The following STON2 variants were observed in gnomAD, a reference collection of about 807,000 sequenced individuals.
The protein encoded by STON2 is stonin 2, also known as stonin-2.
A neutral mutation model predicts 65.7 loss-of-function variants in STON2; 29 were observed. The observed-to-expected ratio is 0.44, with a 90% confidence interval of 0.33 to 0.60. STON2 has a LOEUF of 0.60. Among genes scored for constraint, STON2 ranks in the 20% least tolerant of loss-of-function variants. The pLI is 0.03. For missense variants in STON2, 1,054 were observed against 1,118.1 expected, an observed-to-expected ratio of 0.94 and a Z score of 0.82; for synonymous variants, 404 against 414.2, an observed-to-expected ratio of 0.98 and a Z score of 0.30.
At chr14:81,288,651 C>A (rs1377474471) in intron 5 of STON2, among the ~76,000 whole-genome samples, 2 of 152,150 alleles carry the variant, frequency 1.3e-5, no homozygotes, top group Non-Finnish European at 2.9e-5. Flanking sequence ...AAGGAGTTTG[C>A]AGGAGCTCAG....
At chr14:81,435,719 G>A (rs1312371552) in intron 1 of STON2, among the ~76,000 whole-genome samples, 1 of 152,042 alleles carries the variant, frequency 6.6e-6, no homozygotes, top group Non-Finnish European at 1.5e-5. Flanking sequence ...GCGCACACAC[G>A]CACTCTCATC....
chr14:81,371,676 T>TCAAAAAAAAAAAAAAAAAAAAAAAAAAAA (rs58782661), intron 3 of STON2, among the ~76,000 whole-genome samples: 4 of 97,666 alleles, frequency 4.1e-5, no homozygotes, highest in Admixed American at 1.1e-4. Context: ...AGACTGAGTC[T>TCAAAAAAAAAAAAAAAAAAAAAAAAAAAA]AAAAAAAAAA....
intron 4 of STON2, among the ~76,000 whole-genome samples, chr14:81,360,214 G>C (rs1375965696): frequency 2.0e-5 from 3 of 152,000 alleles, no homozygotes; most frequent in African/African-American, 7.2e-5. Flanking sequence ...AGCCAAACAA[G>C]GACATTACAA....
intron 3 of STON2, chr14:81,394,991 C>T (rs1407537002): frequency 6.6e-6 from 1 of 152,208 alleles, no homozygotes; most frequent in African/African-American, 2.4e-5. Flanking sequence ...CTGTGGCATA[C>T]TTCAGTGCAC....
chr14:81,411,331 C>T (rs1901147506), intron 2 of STON2, among the ~76,000 whole-genome samples: 2 of 151,346 alleles, frequency 1.3e-5, no homozygotes, highest in Admixed American at 1.3e-4. Context: ...GGTATCTTCT[C>T]TCACACTCTT....
intron 5 of STON2, among the ~76,000 whole-genome samples, chr14:81,317,352 G>A (rs1896663684): frequency 6.6e-6 from 1 of 152,210 alleles, no homozygotes; most frequent in Non-Finnish European, 1.5e-5. Context: ...ATTTCAACAT[G>A]AGAATTGGAG....
intron 1 of STON2, among the ~76,000 whole-genome samples, chr14:81,433,601 G>C (rs1189818853): frequency 6.6e-6 from 1 of 152,228 alleles, no homozygotes; most frequent in East Asian, 1.9e-4. Context: ...TTTGCCATGT[G>C]AGTTACCTTG....
intron 6 of STON2, 147 bp downstream of exon 6, chr14:81,276,752 AAT>A (rs755589199): frequency 3.9e-5 from 34 of 877,880 alleles, no homozygotes; most frequent in Non-Finnish European, 6.0e-5. Context: ...TACCTTGCTC[AAT>A]TATTTTTACT....
chr14:81,266,564 C>T lies in STON2; in HGVS notation c.*1850G>A, dbSNP rs1894365148. On this transcript the variant is annotated 3_prime_UTR_variant, in exon 8 of 8. Transcript: ENST00000614646. ...GTCACCTCCCTATGGACACAATCAACTTATTAATGTCTCTCTTAAAATATG... is the reference window on the plus strand; with the variant it reads ...GTCACCTCCCTATGGACACAATCAATTTATTAATGTCTCTCTTAAAATATG... 1.5e-6 allele frequency: 1 copy of T among 651,960 alleles called. No individual in the cohort carries two copies. Among genetic ancestry groups the T allele is most frequent in the Non-Finnish European group, 1.9e-6 (1 of 525,810 alleles). The allele number at this position is 651,960 out of a possible 1,614,324, so 40.4% of individuals were successfully genotyped here. A position where few individuals can be genotyped will look rare whatever the true frequency, so the allele number is the denominator to read the frequency against.
chr14:81,341,446 GTTTTTTTTTTGT>G (rs1457216395), intron 4 of STON2, among the ~76,000 whole-genome samples: 18 of 115,740 alleles, frequency 1.6e-4, no homozygotes, highest in South Asian at 9.0e-4. Flanking sequence ...TTTTATAAGT[GTTTTTTTTTTGT>G]TTTTTTTTTT....
intron 5 of STON2, among the ~76,000 whole-genome samples, chr14:81,280,883 A>G (rs1469695281): frequency 1.3e-5 from 2 of 151,874 alleles, no homozygotes; most frequent in African/African-American, 2.4e-5. Context: ...TGGTGGCACA[A>G]GCCTGTAATC....
intron 5 of STON2, among the ~76,000 whole-genome samples, chr14:81,322,696 T>C (rs1896864212): frequency 6.6e-6 from 1 of 152,190 alleles, no homozygotes; most frequent in Non-Finnish European, 1.5e-5. Context: ...AGAGAAATTT[T>C]CACCCTACCT....
chr14:81,417,848 C>A (rs1320818084), intron 2 of STON2, among the ~76,000 whole-genome samples: 1 of 152,096 alleles, frequency 6.6e-6, no homozygotes. Context: ...GGAAGTTAGA[C>A]CCTCGGGTGA....
chr14:81,344,119 G>A (rs1310819942), intron 4 of STON2, among the ~76,000 whole-genome samples: 1 of 152,078 alleles, frequency 6.6e-6, no homozygotes, highest in African/African-American at 2.4e-5. Flanking sequence ...CCTAGCCCCT[G>A]AGCAAACAGG....
intron 2 of STON2, among the ~76,000 whole-genome samples, chr14:81,421,755 G>C (rs1901715156): frequency 6.6e-6 from 1 of 152,206 alleles, no homozygotes; most frequent in Non-Finnish European, 1.5e-5. Context: ...GAGGTGATGA[G>C]CTTAGCATTA....
intron 2 of STON2, among the ~76,000 whole-genome samples, chr14:81,410,637 C>G (rs1232438014): frequency 1.3e-5 from 2 of 152,130 alleles, no homozygotes; most frequent in African/African-American, 4.8e-5. Context: ...AGCAGGGAAC[C>G]CATTCAGACT....
chr14:81,267,295 G>A lies in STON2; in HGVS notation c.*1119C>T. 1 of 985,286 alleles carries A rather than the reference G, an allele frequency of 1.0e-6. No homozygotes were observed. Among genetic ancestry groups the A allele is most frequent in the Non-Finnish European group, 1.2e-6 (1 of 829,904 alleles). 61.0% of individuals were successfully genotyped at this position (985,286 alleles called of 1,614,324 possible). On this transcript the variant is annotated 3_prime_UTR_variant, in exon 8 of 8. Coordinates refer to ENST00000614646, the MANE Select transcript of STON2 (RefSeq NM_001394390.1). ...ATGTTCCCAACATTAGAAAAATATG[G>A]CTTTTCCACGTCTCTACCCTAGAGA...
At chr14:81,435,455 C>T (rs919361370) in intron 1 of STON2, among the ~76,000 whole-genome samples, 1 of 152,104 alleles carries the variant, frequency 6.6e-6, no homozygotes, top group African/African-American at 2.4e-5. Flanking sequence ...CTCAAAACAA[C>T]GCTATCAGAC....
chr14:81,355,476 T>G (rs1898189802), intron 4 of STON2, among the ~76,000 whole-genome samples: 1 of 151,782 alleles, frequency 6.6e-6, no homozygotes, highest in East Asian at 1.9e-4. Context: ...CTGGAGAGAA[T>G]GAGATGATAT....
Sources: allele counts gnomAD v4.1 joint callset (sites outside exome capture counted in the v4.1 genomes callset), GRCh38; gene constraint gnomAD v4.1.1; transcripts MANE v1.5; gene names NCBI Gene and HGNC (gene_info 2026-07-23, HGNC 2026-07-21).